ZCCHC24: variants seen among roughly 807,000 people sequenced by gnomAD.
ZCCHC24 encodes the protein zinc finger CCHC domain-containing protein 24.
ZCCHC24 carries 10 observed loss-of-function variants against 26.2 expected under a neutral mutation model. The observed-to-expected ratio is 0.38, with a 90% confidence interval of 0.24 to 0.65. The LOEUF (loss-of-function observed/expected upper bound fraction) is 0.65, where lower values mean the gene tolerates loss of function less well. Ranked by LOEUF, ZCCHC24 falls within the 30% of genes least tolerant of loss-of-function variation. The pLI is 0.54. For synonymous variants in ZCCHC24, 144 were observed against 147.1 expected (o/e 0.98, Z 0.15); for missense variants, 243 against 329.1 (o/e 0.74, Z 2.03).
intron 2 of ZCCHC24, among the ~76,000 whole-genome samples, chr10:79,417,491 C>T (rs929310283): frequency 6.6e-6 from 1 of 152,164 alleles, no homozygotes; most frequent in Non-Finnish European, 1.5e-5. Flanking sequence ...GAGGATGGAC[C>T]CCCATCCGTT....
At chr10:79,415,265 G>A (rs1214528133) in intron 2 of ZCCHC24, among the ~76,000 whole-genome samples, 2 of 152,158 alleles carry the variant, frequency 1.3e-5, no homozygotes, top group Non-Finnish European at 2.9e-5. Context: ...GGGGCCCCAG[G>A]CACAGGGAAT....
In ZCCHC24 at chr10:79,432,753, C is replaced by A; in HGVS notation, c.252G>T (p.Leu84=). ...SFFQLQRGEA[L]SNSVYKGASP... The stretch of plus-strand genomic sequence containing the variant: ...AGGCGCCCTTGTACACACTGTTGCT[C>A]AGCGCCTGTGGGAGACAGAGGCACA... The change falls in exon 2 of 4, where the codon CTG becomes CTT. Residue 84 remains leucine (L), a synonymous_variant. Transcript: ENST00000372336. 1 of 1,608,068 alleles carries A rather than the reference C, an allele frequency of 6.2e-7. No homozygotes were observed. Among genetic ancestry groups the A allele is most frequent in the South Asian group, 1.1e-5 (1 of 90,192 alleles).
intron 2 of ZCCHC24, among the ~76,000 whole-genome samples, chr10:79,422,706 T>A (rs191829744): frequency 3.3e-4 from 51 of 152,322 alleles, no homozygotes; most frequent in Non-Finnish European, 6.3e-4. Flanking sequence ...GCCCTGGGCA[T>A]GCTGACTCAG....
At position 79,386,079 on chromosome 10, in the gene ZCCHC24, G is replaced by A. The variant is rs1434236722; in HGVS notation, c.*266C>T. The A allele has an allele frequency of 7.2e-6, 4 of 553,716 alleles. No individual in the cohort carries two copies. Among genetic ancestry groups the A allele is most frequent in the East Asian group, 2.8e-5 (1 of 35,754 alleles). 34.3% of individuals were successfully genotyped at this position (553,716 alleles called of 1,614,324 possible). A position where few individuals can be genotyped will look rare whatever the true frequency, so the allele number is the denominator to read the frequency against. ...GGCTCCTGGACATGGGCTTTTGCTT[G>A]CCTTTGTCCCCTCCACTGAGACCCC... On this transcript the variant is annotated 3_prime_UTR_variant, in exon 4 of 4. Coordinates refer to ENST00000372336, the MANE Select transcript of ZCCHC24 (RefSeq NM_153367.4).
chr10:79,436,548 G>T (rs1857220311), intron 1 of ZCCHC24, among the ~76,000 whole-genome samples: 1 of 152,182 alleles, frequency 6.6e-6, no homozygotes, highest in Admixed American at 6.5e-5. Flanking sequence ...GTGACCAATG[G>T]AGCTCTGAAG....
intron 2 of ZCCHC24, among the ~76,000 whole-genome samples, chr10:79,431,771 CATT>C (rs1393097503): frequency 5.3e-5 from 8 of 151,934 alleles, no homozygotes. Context: ...AGTAATGCCA[CATT>C]ATAAAAAAAG....
intron 2 of ZCCHC24, among the ~76,000 whole-genome samples, chr10:79,422,669 CT>C (rs1856963332): frequency 6.6e-6 from 1 of 152,192 alleles, no homozygotes; most frequent in African/African-American, 2.4e-5. Flanking sequence ...TGATTGTTTT[CT>C]GTCTAACATC....
intron 2 of ZCCHC24, among the ~76,000 whole-genome samples, chr10:79,421,206 C>T (rs11002969): frequency 0.35 from 52,835 of 152,126 alleles, 10,820 homozygotes; most frequent in Middle Eastern, 0.53. Flanking sequence ...CCCAGCAACA[C>T]CCATCCCAGC....
At chr10:79,417,504 TG>T (rs1049636061) in intron 2 of ZCCHC24, among the ~76,000 whole-genome samples, 3 of 152,170 alleles carry the variant, frequency 2.0e-5, no homozygotes, top group African/African-American at 7.2e-5. Context: ...CATCCGTTGT[TG>T]TGGGCAGAGG....
chr10:79,427,321 A>G (rs1425872880), intron 2 of ZCCHC24, among the ~76,000 whole-genome samples: 1 of 152,226 alleles, frequency 6.6e-6, no homozygotes, highest in African/African-American at 2.4e-5. Context: ...AGACATAGAC[A>G]TCACTATGAA....
At chr10:79,425,794 T>C (rs1040012894) in intron 2 of ZCCHC24, among the ~76,000 whole-genome samples, 3 of 152,194 alleles carry the variant, frequency 2.0e-5, no homozygotes, top group African/African-American at 4.8e-5. Flanking sequence ...GTATAGTGTA[T>C]GATATTATTA....
At chr10:79,428,735 T>C (rs1459729244) in intron 2 of ZCCHC24, among the ~76,000 whole-genome samples, 1 of 152,056 alleles carries the variant, frequency 6.6e-6, no homozygotes, top group African/African-American at 2.4e-5. Flanking sequence ...AAACTTTAGG[T>C]AGATTAAACA....
chr10:79,388,458 A>T (rs1258706135), intron 3 of ZCCHC24, among the ~76,000 whole-genome samples: 3 of 152,170 alleles, frequency 2.0e-5, no homozygotes, highest in Non-Finnish European at 4.4e-5. Context: ...TACTGCCTGC[A>T]CTGTAAGAAG....
chr10:79,402,268 CT>C (rs1242667591), intron 2 of ZCCHC24, among the ~76,000 whole-genome samples: 2 of 151,662 alleles, frequency 1.3e-5, no homozygotes, highest in Non-Finnish European at 2.9e-5. Context: ...CTTGGTTTTT[CT>C]TTTTTTTTCT....
At position 79,386,429 on chromosome 10, in the gene ZCCHC24, G is replaced by A. The variant is rs778777022; in HGVS notation, c.642C>T (p.Asp214=). ...QRPLEKPDGL[D]VSDQSKEHPQ... ...GGTGCTCCTTGCTCTGGTCGGACAC[G>A]TCCAGGCCGTCGGGCTTCTCCAGGG... The change falls in exon 4 of 4, where the codon GAC becomes GAT. Residue 214 remains aspartate, a synonymous_variant. Coordinates refer to ENST00000372336, the MANE Select transcript of ZCCHC24 (RefSeq NM_153367.4). 3.5e-5 allele frequency: 56 copies of A among 1,604,092 alleles called. No homozygotes were observed. The highest frequency in any genetic ancestry group is 4.4e-5 in the South Asian group (4 of 90,738).
At position 79,394,825 on chromosome 10, in the gene ZCCHC24, T is replaced by C. The variant is rs550697306; in HGVS notation, c.448-385A>G. On this transcript the variant is annotated intron_variant, in intron 2 of 3. Transcript: ENST00000372336. ...CCCAGCAGTGTGCTTTAAAGGGTCA[T>C]TGAAGAGGCAATACAAGCACGGAAA... 2.6e-5 allele frequency among the ~76,000 whole-genome samples: 4 copies of C among 152,346 alleles called. 1 individual carries two copies. The South Asian group carries it at 6.2e-4, about 24-fold the overall frequency.
Position 79,427,841 on chromosome 10 carries a change from C to T in ZCCHC24, c.447+4717G>A, listed in dbSNP as rs567445802. Among the ~76,000 whole-genome samples, 257 of 151,996 alleles carry T rather than the reference C, an allele frequency of 1.7e-3. 12 individuals carry two copies. The highest frequency in any genetic ancestry group is 1.3e-3 in the African/African-American group (53 of 41,446). On this transcript the variant is annotated intron_variant, in intron 2 of 3. Coordinates refer to ENST00000372336, the MANE Select transcript of ZCCHC24 (RefSeq NM_153367.4). The stretch of plus-strand genomic sequence containing the variant: ...CTGCAATGAGTTATGATCACAGCAC[C>T]GCACTCCAGCCTCGGTGACAGAGTG...
At position 79,423,587 on chromosome 10, in the gene ZCCHC24, A is replaced by ATATATTTTATATATATATATATATTT. The variant is rs749128110; in HGVS notation, c.447+8970_447+8971insAAATATATATATATATATAAAATATA. On this transcript the variant is annotated intron_variant, in intron 2 of 3. Transcript: ENST00000372336. The stretch of plus-strand genomic sequence containing the variant: ...AACAAACAAAATATATATACTATAT[A>ATATATTTTATATATATATATATATTT]TATATATATATATATATATATATTT... Among the ~76,000 whole-genome samples the ATATATTTTATATATATATATATATTT allele has an allele frequency of 9.8e-5, 11 of 112,758 alleles. 1 individual carries two copies. The highest frequency in any genetic ancestry group is 3.9e-3 in the Middle Eastern group (1 of 258). 74.0% of individuals were successfully genotyped at this position (112,758 alleles called of 152,430 possible). A position where few individuals can be genotyped will look rare whatever the true frequency, so the allele number is the denominator to read the frequency against.
intron 1 of ZCCHC24, among the ~76,000 whole-genome samples, chr10:79,434,054 G>A (rs975004343): frequency 1.3e-5 from 2 of 152,150 alleles, no homozygotes; most frequent in Non-Finnish European, 2.9e-5. Context: ...CATCATCTGG[G>A]TGCCACTGAT....
Sources: allele counts gnomAD v4.1 joint callset (sites outside exome capture counted in the v4.1 genomes callset), GRCh38; gene constraint gnomAD v4.1.1; transcripts MANE v1.5; gene names NCBI Gene and HGNC (gene_info 2026-07-23, HGNC 2026-07-21).